Variants in CADPS observed in about 807,000 individuals in gnomAD.
CADPS encodes the protein calcium-dependent secretion activator 1.
CADPS carries 57 observed loss-of-function variants against 167.3 expected under a neutral mutation model. That is an observed-to-expected ratio of 0.34 (90% CI 0.28 to 0.42). The LOEUF (loss-of-function observed/expected upper bound fraction) is 0.42, where lower values mean the gene tolerates loss of function less well. Ranked by LOEUF, CADPS falls within the 20% of genes least tolerant of loss-of-function variation. The pLI, the probability that CADPS is intolerant of heterozygous loss-of-function variation, is 1.00. For synonymous variants in CADPS, 676 were observed against 635.3 expected (o/e 1.06, Z -0.96); for missense variants, 1,414 against 1,738.1 (o/e 0.81, Z 3.32).
intron 1 of CADPS, among the ~76,000 whole-genome samples, chr3:62,860,474 A>C (rs757549396): frequency 2.0e-5 from 3 of 152,236 alleles, no homozygotes; most frequent in Middle Eastern, 3.4e-3. Flanking sequence ...GCATATGCTC[A>C]AGTCTCACCG....
intron 6 of CADPS, among the ~76,000 whole-genome samples, chr3:62,624,146 G>T (rs531853620): frequency 1.3e-5 from 2 of 152,274 alleles, no homozygotes; most frequent in African/African-American, 4.8e-5. Flanking sequence ...AACGTCAACA[G>T]TGCTGAGGCT....
chr3:62,460,259 C>G (rs976443958), intron 26 of CADPS, among the ~76,000 whole-genome samples: 4 of 152,184 alleles, frequency 2.6e-5, no homozygotes, highest in African/African-American at 9.7e-5. Context: ...AGTATGTGTT[C>G]AATAAACGCC....
At chr3:62,419,757 A>G (rs1177915916) in intron 28 of CADPS, among the ~76,000 whole-genome samples, 2 of 152,182 alleles carry the variant, frequency 1.3e-5, no homozygotes, top group African/African-American at 4.8e-5. Context: ...TAAGCAACTG[A>G]ATAAGAAATT....
chr3:62,499,308 G>A, intron 17 of CADPS, 40 bp from the exon 18 acceptor site: 1 of 1,335,148 alleles, frequency 7.5e-7, no homozygotes, highest in Non-Finnish European at 1.1e-6. Flanking sequence ...AGCGAAAGTG[G>A]CAGGCTACTT....
At chr3:62,834,664 T>C (rs1189923153) in intron 1 of CADPS, among the ~76,000 whole-genome samples, 2 of 152,188 alleles carry the variant, frequency 1.3e-5, no homozygotes, top group African/African-American at 2.4e-5. Flanking sequence ...TCTGCTAACA[T>C]ATGATGGACC....
chr3:62,434,085 C>T (rs2054506373), intron 28 of CADPS, among the ~76,000 whole-genome samples: 1 of 152,154 alleles, frequency 6.6e-6, no homozygotes, highest in African/African-American at 2.4e-5. Flanking sequence ...CCACTTGAGT[C>T]TCACAGCAGT....
intron 13 of CADPS, among the ~76,000 whole-genome samples, chr3:62,531,457 A>G (rs560392539): frequency 6.6e-6 from 1 of 152,152 alleles, no homozygotes; most frequent in Non-Finnish European, 1.5e-5. Context: ...CTATGATGCT[A>G]TTGTTATCTA....
In CADPS at chr3:62,546,683, T is replaced by C. The variant is rs372737286; in HGVS notation, c.1966+3220A>G. Among the ~76,000 whole-genome samples, 36 of 152,300 alleles carry C rather than the reference T, an allele frequency of 2.4e-4. No individual in the cohort carries two copies. The South Asian group carries it at 7.0e-3, about 30-fold the overall frequency. The stretch of plus-strand genomic sequence containing the variant: ...ATACTGAACATGTACAGACCTTTTT[T>C]TGGTCATTATTCCCTGAACAATACA... On this transcript the variant is annotated intron_variant, in intron 11 of 29. Coordinates refer to ENST00000383710, the MANE Select transcript of CADPS (RefSeq NM_003716.4).
At chr3:62,440,309 A>C (rs1040609618) in intron 27 of CADPS, 1 of 152,130 alleles carries the variant, frequency 6.6e-6, no homozygotes, top group African/African-American at 2.4e-5. Flanking sequence ...AATATCACTT[A>C]AACTTTTCTG....
chr3:62,796,133 G>T (rs556404882), intron 1 of CADPS: 4 of 152,338 alleles, frequency 2.6e-5, no homozygotes, highest in African/African-American at 7.2e-5. Context: ...AAGAGACAGG[G>T]TCTCACTACA....
chr3:62,555,100 T>C (rs1233730271), intron 10 of CADPS, among the ~76,000 whole-genome samples: 1 of 152,194 alleles, frequency 6.6e-6, no homozygotes, highest in Non-Finnish European at 1.5e-5. Flanking sequence ...CCATGACAAC[T>C]GAGAGAATTT....
chr3:62,793,784 C>A (rs549002471), intron 1 of CADPS, among the ~76,000 whole-genome samples: 36 of 152,288 alleles, frequency 2.4e-4, no homozygotes, highest in Non-Finnish European at 4.4e-4. Context: ...TACGTGCGTG[C>A]ACATGTGTGC....
At chr3:62,871,107 T>G (rs999186446) in intron 1 of CADPS, among the ~76,000 whole-genome samples, 2 of 152,156 alleles carry the variant, frequency 1.3e-5, no homozygotes, top group Non-Finnish European at 2.9e-5. Context: ...TTTCAGATAG[T>G]CTGTTTAAAG....
intron 3 of CADPS, among the ~76,000 whole-genome samples, chr3:62,720,633 C>G (rs140156749): frequency 6.6e-6 from 1 of 152,086 alleles, no homozygotes; most frequent in African/African-American, 2.4e-5. Context: ...GCCACTGCAC[C>G]TGGCCCTAGG....
intron 1 of CADPS, among the ~76,000 whole-genome samples, chr3:62,836,138 C>T (rs1466507180): frequency 3.3e-5 from 5 of 152,148 alleles, no homozygotes; most frequent in African/African-American, 1.2e-4. Flanking sequence ...GATGCCTGGG[C>T]TTTTAGAGCC....
chr3:62,672,897 G>A (rs567109607), intron 3 of CADPS, among the ~76,000 whole-genome samples: 151 of 152,260 alleles, frequency 9.9e-4, no homozygotes, highest in South Asian at 1.2e-3. Context: ...TTACAGATGT[G>A]AGCCACTGCA....
chr3:62,451,972 A>G (rs192445550), intron 26 of CADPS, among the ~76,000 whole-genome samples: 6 of 152,250 alleles, frequency 3.9e-5, no homozygotes, highest in African/African-American at 1.4e-4. Context: ...CACCAGCCTC[A>G]TATCTAGAAT....
At chr3:62,558,659 C>T (rs556784363) in intron 9 of CADPS, among the ~76,000 whole-genome samples, 2 of 152,218 alleles carry the variant, frequency 1.3e-5, no homozygotes, top group Admixed American at 6.5e-5. Context: ...ATGCATCTCC[C>T]GCACTGTCCG....
At chr3:62,798,454 G>T (rs953868355) in intron 1 of CADPS, among the ~76,000 whole-genome samples, 3 of 152,090 alleles carry the variant, frequency 2.0e-5, no homozygotes, top group African/African-American at 7.2e-5. Context: ...TGCACTGTTG[G>T]CTTATCTACT....
Sources: gnomAD v4.1 joint callset for allele counts (sites outside exome capture counted in the v4.1 genomes callset) on GRCh38, gnomAD v4.1.1 for gene constraint, MANE v1.5 for transcripts, NCBI Gene and HGNC (gene_info 2026-07-23, HGNC 2026-07-21) for gene names.